Variants in CHRNA5 observed in about 807,000 individuals in gnomAD.
The protein encoded by CHRNA5 is cholinergic receptor nicotinic alpha 5 subunit.
In CHRNA5, 28 loss-of-function variants were observed where a neutral mutation model predicts 41.2. The observed-to-expected ratio is 0.68, with a 90% CI of 0.50 to 0.93. The LOEUF (loss-of-function observed/expected upper bound fraction) is 0.93, where lower values mean the gene tolerates loss of function less well. CHRNA5 is among the 40% of genes least tolerant of loss of function. The pLI is 0.00. For missense variants in CHRNA5, 481 were observed against 581.9 expected (o/e 0.83, Z 1.78); for synonymous variants, 188 against 205.8 (o/e 0.91, Z 0.74).
intron 1 of CHRNA5, among the ~76,000 whole-genome samples, chr15:78,568,796 T>C (rs2052772823): frequency 6.6e-6 from 1 of 152,210 alleles, no homozygotes; most frequent in Non-Finnish European, 1.5e-5. Context: ...TCCATGTCCC[T>C]GCAAAGGACA....
exon 3 of CHRNA5, chr15:78,586,682 T>G: frequency 6.2e-7 from 1 of 1,604,312 alleles, no homozygotes; most frequent in Non-Finnish European, 8.5e-7. Flanking sequence ...AACGTCTGGT[T>G]GAAACAGGTA....
chr15:78,569,180 G>A (rs2052776875), intron 1 of CHRNA5, among the ~76,000 whole-genome samples: 1 of 152,168 alleles, frequency 6.6e-6, no homozygotes, highest in Non-Finnish European at 1.5e-5. Flanking sequence ...ATACACTGCA[G>A]ATATACCTGC....
At chr15:78,565,529 C>A in exon 1 of CHRNA5, 1 of 206,938 alleles carries the variant, frequency 4.8e-6, no homozygotes, top group Non-Finnish European at 9.5e-6. Flanking sequence ...CACATGCGTC[C>A]CGAGCCCGCC....
intron 3 of CHRNA5, among the ~76,000 whole-genome samples, chr15:78,587,415 T>C (rs1454628864): frequency 6.6e-6 from 1 of 151,986 alleles, no homozygotes; most frequent in Non-Finnish European, 1.5e-5. Context: ...GCAAGCCATG[T>C]GTATATCTGG....
At position 78,588,489 on chromosome 15, in the gene CHRNA5, T is replaced by G. The variant is rs963036435; in HGVS notation, c.413+66T>G. On this transcript the variant is annotated intron_variant, in intron 4 of 5. Coordinates refer to ENST00000299565, the Ensembl canonical transcript of CHRNA5. This position sits in a 1 kb window ranked among gnomAD's most constrained non-coding sequence, Gnocchi z 4.1. ...AAACATTTGTATTTCTATTAGGCAC[T>G]AATAATTTTTCTCCCTTTTGAAATT... is the stretch of plus-strand genomic sequence containing the variant. 2.7e-6 allele frequency: 2 copies of G among 746,496 alleles called. No individual in the cohort carries two copies. Among genetic ancestry groups the G allele is most frequent in the Non-Finnish European group, 4.0e-6 (2 of 497,576 alleles). The allele number at this position is 746,496 out of a possible 1,614,324, so 46.2% of individuals were successfully genotyped here.
At chr15:78,567,968 G>C (rs1470867899) in intron 1 of CHRNA5, among the ~76,000 whole-genome samples, 1 of 152,206 alleles carries the variant, frequency 6.6e-6, no homozygotes, top group Non-Finnish European at 1.5e-5. Context: ...CTCGCTGTCT[G>C]TGTTTCCTTG....
At chr15:78,586,664 T>A (rs199649840) in exon 3 of CHRNA5, 1 of 1,599,566 alleles carries the variant, frequency 6.3e-7, no homozygotes, top group Non-Finnish European at 8.5e-7. Flanking sequence ...AATCAGTTAA[T>A]GACAACAAAC....
chr15:78,583,754 T>C (rs1489025543), intron 2 of CHRNA5, among the ~76,000 whole-genome samples: 2 of 151,210 alleles, frequency 1.3e-5, no homozygotes, highest in African/African-American at 4.9e-5. Context: ...GAGAAGATGA[T>C]GAGTTTGATT....
At position 78,588,649 on chromosome 15, in the gene CHRNA5, G is replaced by C. The variant is rs1029864122; in HGVS notation, c.413+226G>C. Among the ~76,000 whole-genome samples, 4 of 152,052 alleles carry C rather than the reference G, an allele frequency of 2.6e-5. No individual in the cohort carries two copies. Among genetic ancestry groups the C allele is most frequent in the Admixed American group, 2.6e-4 (4 of 15,268 alleles). On this transcript the variant is annotated intron_variant, in intron 4 of 5. Transcript: ENST00000299565. The surrounding 1 kb of genome is among the most constrained non-coding windows in gnomAD (Gnocchi z 4.1). ...GAGCTAGCACATGGCAGAGTAGGGGGGTCACACCAAGGGGACTGATACCTC... is the reference window on the plus strand; with the variant it reads ...GAGCTAGCACATGGCAGAGTAGGGGCGTCACACCAAGGGGACTGATACCTC...
chr15:78,590,132 G>A, exon 5 of CHRNA5: 1 of 1,614,174 alleles, frequency 6.2e-7, no homozygotes, highest in Non-Finnish European at 8.5e-7. Flanking sequence ...TTGTAATCAA[G>A]CGCCTGCCTC....
exon 5 of CHRNA5, chr15:78,590,175 A>G (rs754958913): frequency 1.2e-6 from 2 of 1,613,926 alleles, no homozygotes; most frequent in African/African-American, 2.7e-5. Flanking sequence ...AATACCCTGT[A>G]TTGGGCTCTC....
In CHRNA5 at chr15:78,586,632, T is replaced by G; in HGVS notation, c.259-13T>G. The G allele has an allele frequency of 6.7e-7, 1 of 1,488,354 alleles. No homozygotes were observed. The allele number at this position is 1,488,354 out of a possible 1,614,324, so 92.2% of individuals were successfully genotyped here. A position where few individuals can be genotyped will look rare whatever the true frequency, so the allele number is the denominator to read the frequency against. On this transcript the variant is annotated splice_polypyrimidine_tract_variant and intron_variant, in intron 2 of 5. Coordinates refer to ENST00000299565, the Ensembl canonical transcript of CHRNA5. ...ATTGAAATCAATCTTATTTAAATTTTTATTTTTTAAAGGATGAGAAAAATC... is the reference window on the plus strand; with the variant it reads ...ATTGAAATCAATCTTATTTAAATTTGTATTTTTTAAAGGATGAGAAAAATC...
chr15:78,565,741 C>T (rs2052740481), exon 1 of CHRNA5: 14 of 1,194,314 alleles, frequency 1.2e-5, no homozygotes, highest in East Asian at 3.5e-5. Flanking sequence ...GGGGTCAGGG[C>T]CCCGCGCGCT....
chr15:78,576,278 C>T (rs908098001), intron 1 of CHRNA5, among the ~76,000 whole-genome samples: 1 of 152,132 alleles, frequency 6.6e-6, no homozygotes, highest in Admixed American at 6.6e-5. Context: ...TCCCTAGTAG[C>T]TGGGACCACA....
chr15:78,573,002 C>T (rs73463082), intron 1 of CHRNA5, among the ~76,000 whole-genome samples: 5,996 of 152,230 alleles, frequency 0.039, 357 homozygotes, highest in African/African-American at 0.12. Flanking sequence ...ATTATAGCAT[C>T]ATTTTGAGAA....
At chr15:78,566,856 C>A (rs2052752449) in intron 1 of CHRNA5, among the ~76,000 whole-genome samples, 1 of 152,170 alleles carries the variant, frequency 6.6e-6, no homozygotes, top group African/African-American at 2.4e-5. Context: ...GAGAGTTAAA[C>A]AGAAAGAAAG....
intron 2 of CHRNA5, among the ~76,000 whole-genome samples, chr15:78,585,721 G>A (rs769188671): frequency 3.3e-5 from 5 of 151,694 alleles, no homozygotes; most frequent in African/African-American, 7.3e-5. Flanking sequence ...AAGTAGGCAC[G>A]AAAAGCTTTA....
chr15:78,569,851 C>T (rs953793992), intron 1 of CHRNA5, among the ~76,000 whole-genome samples: 10 of 150,540 alleles, frequency 6.6e-5, no homozygotes, highest in African/African-American at 2.2e-4. Context: ...GACAGAGTCT[C>T]ACTCTGTCGC....
chr15:78,579,237 ATTTG>A (rs66694705), intron 1 of CHRNA5, among the ~76,000 whole-genome samples: 143,501 of 150,150 alleles, frequency 0.96, 68,903 homozygotes, highest in Non-Finnish European at 1. Context: ...TTTATTTATT[ATTTG>A]TTTGTTTGTT....
Sources: allele counts gnomAD v4.1 joint callset (sites outside exome capture counted in the v4.1 genomes callset), GRCh38; gene constraint gnomAD v4.1.1; non-coding constraint Gnocchi (gnomAD v3.1); transcripts MANE v1.5; gene names NCBI Gene and HGNC (gene_info 2026-07-23, HGNC 2026-07-21).